TMC1: variants seen among roughly 807,000 people sequenced by gnomAD.
TMC1 encodes transmembrane channel like 1.
A neutral mutation model predicts 105.8 loss-of-function variants in TMC1; 84 were observed. The observed-to-expected ratio is 0.79, with a 90% CI of 0.67 to 0.95. TMC1 has a LOEUF of 0.95. TMC1 is among the 40% of genes least tolerant of loss of function. The pLI is 0.00. For missense variants in TMC1, 817 were observed against 914.1 expected (o/e 0.89, Z 1.37); for synonymous variants, 315 against 311.5 (o/e 1.01, Z -0.12).
intron 4 of TMC1, among the ~76,000 whole-genome samples, chr9:72,641,452 A>G (rs1007377243): frequency 3.9e-5 from 6 of 152,112 alleles, no homozygotes; most frequent in Admixed American, 2.0e-4. Context: ...AGTCCTCTTC[A>G]CTGTCCTCCA....
At chr9:72,603,670 C>T (rs946344403) in intron 2 of TMC1, among the ~76,000 whole-genome samples, 2 of 152,026 alleles carry the variant, frequency 1.3e-5, no homozygotes, top group African/African-American at 4.8e-5. Flanking sequence ...CTGCCGCAGC[C>T]TGCTGAGTAG....
intron 8 of TMC1, among the ~76,000 whole-genome samples, chr9:72,728,494 T>G (rs1446521571): frequency 6.6e-6 from 1 of 152,184 alleles, no homozygotes; most frequent in Non-Finnish European, 1.5e-5. Context: ...ATCTGCTGCT[T>G]CTTGATTGCT....
At chr9:72,760,521 G>C (rs1057246223) in intron 12 of TMC1, among the ~76,000 whole-genome samples, 1 of 152,018 alleles carries the variant, frequency 6.6e-6, no homozygotes, top group African/African-American at 2.4e-5. Context: ...GGTAGAGTTT[G>C]GGGTGTGTGT....
At chr9:72,797,388 C>CA (rs370902385) in intron 17 of TMC1, among the ~76,000 whole-genome samples, 2 of 151,954 alleles carry the variant, frequency 1.3e-5, no homozygotes, top group Admixed American at 6.6e-5. Flanking sequence ...CCTATGGAAC[C>CA]AAAAAAGAGC....
intron 23 of TMC1, among the ~76,000 whole-genome samples, chr9:72,833,384 G>A (rs1829072577): frequency 6.6e-6 from 1 of 151,930 alleles, no homozygotes; most frequent in Non-Finnish European, 1.5e-5. Context: ...AGACATATTG[G>A]GTTATCTGTC....
At chr9:72,573,777 T>C (rs544728161) in intron 1 of TMC1, among the ~76,000 whole-genome samples, 133 of 152,364 alleles carry the variant, frequency 8.7e-4, no homozygotes, top group African/African-American at 3.1e-3. Context: ...CCTTTTACTG[T>C]CTTTTTTCTT....
At chr9:72,626,875 T>G (rs1254813976) in intron 3 of TMC1, among the ~76,000 whole-genome samples, 1 of 152,146 alleles carries the variant, frequency 6.6e-6, no homozygotes, top group East Asian at 1.9e-4. Flanking sequence ...TGTATAATTT[T>G]TTTCTACAAT....
intron 6 of TMC1, among the ~76,000 whole-genome samples, chr9:72,689,041 T>C (rs2132184280): frequency 6.6e-6 from 1 of 152,222 alleles, no homozygotes; most frequent in South Asian, 2.1e-4. Context: ...TTCATAGAAC[T>C]TGTATTCATT....
chr9:72,709,879 TTTG>T (rs1287343429), intron 8 of TMC1, among the ~76,000 whole-genome samples: 10 of 152,222 alleles, frequency 6.6e-5, no homozygotes, highest in Non-Finnish European at 1.3e-4. Flanking sequence ...TGCTCTGATC[TTTG>T]TTATTTCTTT....
At chr9:72,530,588 T>TA (rs34167245) in intron 1 of TMC1, among the ~76,000 whole-genome samples, 72,328 of 145,530 alleles carry the variant, frequency 0.5, 18,027 homozygotes, top group African/African-American at 0.61. Context: ...GACTCCATCT[T>TA]AAAAAAAAAA....
intron 2 of TMC1, among the ~76,000 whole-genome samples, chr9:72,602,180 A>G (rs1369857590): frequency 6.6e-6 from 1 of 152,080 alleles, no homozygotes; most frequent in Admixed American, 6.6e-5. Context: ...TACTTGTTGT[A>G]GCTCGTTTAA....
In TMC1 at chr9:72,694,690, G is replaced by C. The variant is rs1360787887; in HGVS notation, c.212G>C (p.Arg71Thr). The C allele has an allele frequency of 6.2e-7, 1 of 1,610,950 alleles. No individual in the cohort carries two copies. Among genetic ancestry groups the C allele is most frequent in the South Asian group, 1.1e-5 (1 of 90,684 alleles). The part of the protein sequence containing the change: ...EETRKAREKE[R>T]RRRLKRGAEE... ...ACAAGGAAGGCAAGAGAAAAAGAGAGGAGGAGGAGGCTAAAGAGAGGAGCG... is the reference window on the plus strand; with the variant it reads ...ACAAGGAAGGCAAGAGAAAAAGAGACGAGGAGGAGGCTAAAGAGAGGAGCG... The change falls in exon 7 of 24, where the codon AGG (arginine) becomes ACG (threonine). Residue 71 changes from arginine to threonine, a missense_variant. Physicochemically the swap from Arg to Thr is moderately conservative, Grantham distance 71. Transcript: ENST00000297784.
At chr9:72,786,321 G>A (rs1291661668) in intron 13 of TMC1, among the ~76,000 whole-genome samples, 4 of 152,168 alleles carry the variant, frequency 2.6e-5, no homozygotes, top group African/African-American at 9.7e-5. Context: ...GCGGGCGCCT[G>A]TAGTCCCAGC....
At chr9:72,530,600 A>AC (rs1412101577) in intron 1 of TMC1, among the ~76,000 whole-genome samples, 2 of 151,156 alleles carry the variant, frequency 1.3e-5, no homozygotes, top group African/African-American at 2.4e-5. Flanking sequence ...AAAAAAAAAA[A>AC]ACCTTCTCAA....
rs759387540 is a variant in TMC1 at position 72,765,372 on chromosome 9, G to A, written c.742-7041G>A. Among the ~76,000 whole-genome samples the A allele has an allele frequency of 1.3e-5, 2 of 152,096 alleles. 1 individual carries two copies. The highest frequency in any genetic ancestry group is 4.8e-5 in the African/African-American group (2 of 41,518). Reference sequence around the variant, plus strand: ...AGGAAATGCTGAGAGAAAGGAAGGGGCATTCATTACCCCTATCACAACTGG... The same window carrying A: ...AGGAAATGCTGAGAGAAAGGAAGGGACATTCATTACCCCTATCACAACTGG... On this transcript the variant is annotated intron_variant, in intron 12 of 23. Coordinates refer to ENST00000297784, the MANE Select transcript of TMC1 (RefSeq NM_138691.3).
intron 5 of TMC1, among the ~76,000 whole-genome samples, chr9:72,660,658 A>T (rs922609570): frequency 2.6e-5 from 4 of 152,184 alleles, no homozygotes; most frequent in Non-Finnish European, 4.4e-5. Context: ...TCATATCTTT[A>T]TGGCAATATG....
At chr9:72,690,449 G>A (rs147873977) in intron 6 of TMC1, among the ~76,000 whole-genome samples, 8 of 152,016 alleles carry the variant, frequency 5.3e-5, no homozygotes, top group South Asian at 4.2e-4. Context: ...ATGTGATTTT[G>A]TGTTGCTCTT....
intron 1 of TMC1, among the ~76,000 whole-genome samples, chr9:72,546,446 G>C (rs1823769772): frequency 6.6e-6 from 1 of 152,222 alleles, no homozygotes; most frequent in Admixed American, 6.5e-5. Flanking sequence ...TGATTGAAGT[G>C]ATTGAGGGAT....
chr9:72,700,474 G>T, intron 7 of TMC1, 44 bp from the exon 8 acceptor site: 1 of 1,511,600 alleles, frequency 6.6e-7, no homozygotes, highest in Non-Finnish European at 9.0e-7. Context: ...CCAAAGTCAA[G>T]CAAAGCTTAA....
Sources: gnomAD v4.1 joint callset for allele counts (sites outside exome capture counted in the v4.1 genomes callset) on GRCh38, gnomAD v4.1.1 for gene constraint, MANE v1.5 for transcripts, NCBI Gene and HGNC (gene_info 2026-07-23, HGNC 2026-07-21) for gene names.